The following TET1 variants were observed in gnomAD, a reference collection of about 807,000 sequenced individuals.
TET1 encodes tet methylcytosine dioxygenase 1, also known as methylcytosine dioxygenase TET1.
Under a neutral mutation model 148.7 loss-of-function variants are expected in TET1, and 13 were observed. The observed-to-expected ratio is 0.09, with a 90% CI of 0.06 to 0.14. The LOEUF is 0.14. TET1 is among the 10% of genes least tolerant of loss of function. TET1 has a pLI of 1.00. For missense variants in TET1, 2,182 were observed against 2,553.8 expected (o/e 0.85, Z 3.14); for synonymous variants, 907 against 937.2 (o/e 0.97, Z 0.59).
chr10:68,632,739 C>T (rs1469898614), intron 3 of TET1: 4 of 1,594,992 alleles, frequency 2.5e-6, no homozygotes, highest in Non-Finnish European at 3.4e-6. Context: ...CAATCTTGAG[C>T]ATAGAAAAGA....
chr10:68,660,812 C>A (rs1164373582), intron 6 of TET1, among the ~76,000 whole-genome samples: 1 of 151,480 alleles, frequency 6.6e-6, no homozygotes, highest in Non-Finnish European at 1.5e-5. Flanking sequence ...AGGTGCCCAC[C>A]ACCAAGCTCG....
intron 7 of TET1, among the ~76,000 whole-genome samples, chr10:68,668,295 G>A (rs548228248): frequency 8.5e-5 from 13 of 152,136 alleles, no homozygotes; most frequent in African/African-American, 2.9e-4. Context: ...TTCCTTATTT[G>A]GATCTGGATG....
intron 3 of TET1, 132 bp from the exon 4 acceptor site, chr10:68,644,566 G>A (rs2054810518): frequency 1.1e-6 from 1 of 898,490 alleles, no homozygotes; most frequent in Non-Finnish European, 1.6e-6. Context: ...CGCTGAATGT[G>A]TGAAAAGCAA....
At chr10:68,587,288 G>A (rs1251932154) in intron 2 of TET1, among the ~76,000 whole-genome samples, 1 of 152,196 alleles carries the variant, frequency 6.6e-6, no homozygotes, top group Non-Finnish European at 1.5e-5. Flanking sequence ...ACGAGGAAGT[G>A]GGAGGACAAG....
intron 7 of TET1, among the ~76,000 whole-genome samples, chr10:68,670,643 CTCCT>C (rs2055260422): frequency 1.3e-5 from 2 of 152,126 alleles, no homozygotes; most frequent in African/African-American, 2.4e-5. Flanking sequence ...ACATTTTTCT[CTCCT>C]TCCATGTCTT....
chr10:68,568,169 C>T (rs2053627543), intron 1 of TET1, among the ~76,000 whole-genome samples: 4 of 151,346 alleles, frequency 2.6e-5, no homozygotes, highest in African/African-American at 4.9e-5. Context: ...TGAGCCACTG[C>T]ACTGCGCCCA....
intron 3 of TET1, among the ~76,000 whole-genome samples, chr10:68,619,720 T>G (rs1589081841): frequency 6.6e-6 from 1 of 152,268 alleles, no homozygotes; most frequent in East Asian, 1.9e-4. Context: ...AAATTTGCAG[T>G]GCACAGTACA....
chr10:68,565,340 G>A (rs2053594914), intron 1 of TET1, among the ~76,000 whole-genome samples: 1 of 151,746 alleles, frequency 6.6e-6, no homozygotes, highest in Non-Finnish European at 1.5e-5. Flanking sequence ...AATTAGCCTG[G>A]TGTGGTGGCA....
intron 2 of TET1, among the ~76,000 whole-genome samples, chr10:68,594,904 G>T (rs766376479): frequency 4.0e-5 from 6 of 151,336 alleles, no homozygotes; most frequent in African/African-American, 1.5e-4. Context: ...CCTTGAACCC[G>T]GGAGGCGGAG....
intron 2 of TET1, among the ~76,000 whole-genome samples, chr10:68,588,200 CAT>C (rs2132832529): frequency 6.6e-6 from 1 of 152,218 alleles, no homozygotes; most frequent in South Asian, 2.1e-4. Context: ...GGGGTTTTAT[CAT>C]GTTACCCTGG....
rs578015391 is a variant in TET1 at position 68,626,032 on chromosome 10, C to A, written c.1969-18666C>A. Reference sequence around the variant, plus strand: ...CCACAAGTTCCAGAGTGAGGTGAACCGAGATGGTGCCACTGCACTCCAGCC... The same window carrying A: ...CCACAAGTTCCAGAGTGAGGTGAACAGAGATGGTGCCACTGCACTCCAGCC... On this transcript the variant is annotated intron_variant, in intron 3 of 11. Transcript: ENST00000373644. Among the ~76,000 whole-genome samples the A allele has an allele frequency of 1.6e-3, 243 of 147,738 alleles. 2 individuals are homozygous for A. Among genetic ancestry groups the A allele is most frequent in the African/African-American group, 5.9e-3 (234 of 39,840 alleles).
chr10:68,686,545 A>T lies in TET1; in HGVS notation c.5242A>T (p.Thr1748Ser). The T allele has an allele frequency of 6.2e-7, 1 of 1,614,170 alleles. No homozygotes were observed. Among genetic ancestry groups the T allele is most frequent in the Non-Finnish European group, 8.5e-7 (1 of 1,180,042 alleles). ...CCGCCGCAAAAAAAGAACGTGTTTC[A>T]CTCAGCCTGTTCCCCGTTCTGGAAA... ...APRRKKRTCF[T>S]QPVPRSGKKR... is the part of the protein sequence containing the mutation. The change falls in exon 11 of 12, where the codon ACT (threonine) becomes TCT (serine). Residue 1748 changes from threonine (T) to serine (S), a missense_variant. By Grantham distance (58) the Thr-to-Ser change is moderately conservative (BLOSUM62 1). This residue lies in a region of TET1 where 380 missense variants were observed against 387.9 expected (regional missense o/e 0.98). Coordinates refer to ENST00000373644, the MANE Select transcript of TET1 (RefSeq NM_030625.3).
At chr10:68,668,641 G>A (rs60719037) in intron 7 of TET1, among the ~76,000 whole-genome samples, 1 of 152,066 alleles carries the variant, frequency 6.6e-6, no homozygotes, top group African/African-American at 2.4e-5. Flanking sequence ...GTGCGGTGGC[G>A]CAATCTTGGC....
chr10:68,664,006 C>CTT (rs146462366), intron 6 of TET1, among the ~76,000 whole-genome samples: 3 of 148,738 alleles, frequency 2.0e-5, no homozygotes, highest in African/African-American at 7.4e-5. Context: ...TAGGTACCTC[C>CTT]TTTTTTTTTT....
intron 7 of TET1, among the ~76,000 whole-genome samples, chr10:68,667,909 C>G (rs1383446270): frequency 6.6e-6 from 1 of 152,090 alleles, no homozygotes; most frequent in African/African-American, 2.4e-5. Flanking sequence ...TGCATTTCCT[C>G]TATTCAATGT....
intron 3 of TET1, among the ~76,000 whole-genome samples, chr10:68,642,827 A>T (rs1039456980): frequency 6.6e-5 from 10 of 150,972 alleles, no homozygotes; most frequent in African/African-American, 2.4e-4. Flanking sequence ...CTGGTCTTGA[A>T]CTCCTGATCT....
At chr10:68,594,915 G>A (rs751205797) in intron 2 of TET1, among the ~76,000 whole-genome samples, 1 of 150,962 alleles carries the variant, frequency 6.6e-6, no homozygotes, top group Non-Finnish European at 1.5e-5. Context: ...GGAGGCGGAG[G>A]TTGCAGTGAG....
rs2054101595 is a variant in TET1, at chr10:68,604,753, A to G, written c.1968+3719A>G. ...AACATACTGGGCATGACTAGTGACC[A>G]CAGGGGTGGTATGGTAGAGTGAACA... is the stretch of plus-strand genomic sequence containing the variant. On this transcript the variant is annotated intron_variant, in intron 3 of 11. Transcript: ENST00000373644. 3.9e-5 allele frequency among the ~76,000 whole-genome samples: 6 copies of G among 152,232 alleles called. No individual in the cohort carries two copies. In the South Asian group the frequency reaches 1.0e-3, roughly 26 times the overall value.
intron 2 of TET1, among the ~76,000 whole-genome samples, chr10:68,579,230 A>G (rs560644740): frequency 2.0e-5 from 3 of 152,330 alleles, no homozygotes; most frequent in Non-Finnish European, 4.4e-5. Flanking sequence ...TCTAATGGAT[A>G]TGAACACATT....
Sources: allele counts gnomAD v4.1 joint callset (sites outside exome capture counted in the v4.1 genomes callset), GRCh38; gene constraint gnomAD v4.1.1; regional missense constraint gnomAD v4.1.1; transcripts MANE v1.5; gene names NCBI Gene and HGNC (gene_info 2026-07-23, HGNC 2026-07-21).